Variants in HSCB observed in about 807,000 individuals in gnomAD.
HSCB encodes the protein HscB mitochondrial iron-sulfur cluster cochaperone.
Under a neutral mutation model 31.3 loss-of-function variants are expected in HSCB, and 23 were observed. The observed-to-expected ratio is 0.74, with a 90% CI of 0.53 to 1.04. The LOEUF (loss-of-function observed/expected upper bound fraction) is 1.04. Among genes scored for constraint, HSCB ranks in the 50% least tolerant of loss-of-function variants. The probability of loss-of-function intolerance (pLI) is 0.00; values close to 1 mark genes in which losing one functional copy is unlikely to be tolerated. For missense variants in HSCB, 297 were observed against 288.1 expected (o/e 1.03, Z -0.22); for synonymous variants, 110 against 104.5 (o/e 1.05, Z -0.32).
At chr22:28,748,412 C>G (rs949542187) in intron 4 of HSCB, among the ~76,000 whole-genome samples, 3 of 152,198 alleles carry the variant, frequency 2.0e-5, no homozygotes, top group Non-Finnish European at 4.4e-5. Context: ...ACCTGGACAA[C>G]TGCAGTAGCT....
intron 4 of HSCB, among the ~76,000 whole-genome samples, chr22:28,748,273 A>G (rs190459498): frequency 8.5e-5 from 13 of 152,264 alleles, no homozygotes; most frequent in African/African-American, 3.1e-4. Flanking sequence ...GGCCTTAACA[A>G]CCTTCTTCTT....
chr22:28,742,037 T>C, upstream of HSCB: 1 of 1,538,036 alleles, frequency 6.5e-7, no homozygotes, highest in South Asian at 1.2e-5. Flanking sequence ...ATTAGTCTGG[T>C]TAGACGCTCT....
chr22:28,755,302 C>T (rs1165575829), intron 5 of HSCB, among the ~76,000 whole-genome samples: 1 of 151,770 alleles, frequency 6.6e-6, no homozygotes, highest in Non-Finnish European at 1.5e-5. Flanking sequence ...CCCAGCTACT[C>T]AGGAGGCTGA....
chr22:28,744,362 G>A (rs2054647581), intron 2 of HSCB, among the ~76,000 whole-genome samples: 1 of 152,148 alleles, frequency 6.6e-6, no homozygotes, highest in Admixed American at 6.6e-5. Context: ...GACCAGCCTG[G>A]CCAACAGGGT....
chr22:28,757,040 G>A (rs1386542377), intron 5 of HSCB, 38 bp from the exon 6 acceptor site: 2 of 1,217,188 alleles, frequency 1.6e-6, no homozygotes, highest in Non-Finnish European at 2.4e-6. Context: ...ATTCTTGCTT[G>A]AAATGAAGCC....
At chr22:28,750,466 T>A (rs1379102228) in intron 4 of HSCB, among the ~76,000 whole-genome samples, 2 of 152,138 alleles carry the variant, frequency 1.3e-5, no homozygotes, top group East Asian at 3.9e-4. Flanking sequence ...TGTTGTTCTT[T>A]TGTGGACACC....
intron 5 of HSCB, among the ~76,000 whole-genome samples, chr22:28,753,680 T>A (rs2030412086): frequency 7.1e-6 from 1 of 140,976 alleles, no homozygotes. Context: ...CTACTAAATA[T>A]ACAAAAAATC....
chr22:28,755,719 C>T (rs1049383772), intron 5 of HSCB, among the ~76,000 whole-genome samples: 1 of 152,130 alleles, frequency 6.6e-6, no homozygotes, highest in Admixed American at 6.5e-5. Context: ...TTTTAGCACT[C>T]TTCACATTGT....
chr22:28,743,095 T>G (rs1338630264), intron 1 of HSCB, among the ~76,000 whole-genome samples: 1 of 152,178 alleles, frequency 6.6e-6, no homozygotes, highest in Non-Finnish European at 1.5e-5. Context: ...CCAGAAAGAC[T>G]TTCTTCAAGA....
In HSCB at chr22:28,745,795, A is replaced by G. The variant is rs2054675430; in HGVS notation, c.424-69A>G. 11 of 1,309,918 alleles carry G rather than the reference A, an allele frequency of 8.4e-6. No individual in the cohort carries two copies. The South Asian group carries it at 1.6e-4, about 19-fold the overall frequency. The allele number at this position is 1,309,918 out of a possible 1,614,324, so 81.1% of individuals were successfully genotyped here. On this transcript the variant is annotated intron_variant, in intron 3 of 5. Coordinates refer to ENST00000216027, the MANE Select transcript of HSCB (RefSeq NM_172002.5). ...TATTAGTGGTATTATTTCCTAATGG[A>G]TGAGTAGGATTTACATTACTCTGCC...
At chr22:28,747,290 C>T (rs2029906016) in intron 4 of HSCB, among the ~76,000 whole-genome samples, 1 of 152,056 alleles carries the variant, frequency 6.6e-6, no homozygotes, top group Non-Finnish European at 1.5e-5. Flanking sequence ...TTCACAGGAT[C>T]ATCTAAACTA....
chr22:28,750,945 C>CTTTTTTGTT (rs2030188514), intron 4 of HSCB, among the ~76,000 whole-genome samples: 1 of 56,452 alleles, frequency 1.8e-5, no homozygotes. Flanking sequence ...ATATCTTTGT[C>CTTTTTTGTT]TTTTTTTTTT....
chr22:28,742,336 G>T lies in HSCB; in HGVS notation c.236+5G>T. 6.2e-7 allele frequency: 1 copy of T among 1,609,150 alleles called. No individual in the cohort carries two copies. The highest frequency in any genetic ancestry group is 2.2e-5 in the East Asian group (1 of 44,718). On this transcript the variant is annotated splice_donor_5th_base_variant and intron_variant, in intron 1 of 5. Coordinates refer to ENST00000216027, the MANE Select transcript of HSCB (RefSeq NM_172002.5). ...CTACTTCAGCCTTATGGACTGGTAC[G>T]AGCGACGGTTTCGGGAAACGGGCCC...
intron 4 of HSCB, among the ~76,000 whole-genome samples, chr22:28,749,941 A>T (rs1243404077): frequency 1.3e-5 from 2 of 152,046 alleles, no homozygotes; most frequent in Non-Finnish European, 2.9e-5. Context: ...GTTAAATGAG[A>T]TAAAGCACGT....
At position 28,757,203 on chromosome 22, in the gene HSCB, C is replaced by G. The variant is rs778209248; in HGVS notation, c.*34C>G. 2 of 1,190,644 alleles carry G rather than the reference C, an allele frequency of 1.7e-6. No individual in the cohort carries two copies. Among genetic ancestry groups the G allele is most frequent in the South Asian group, 2.4e-5 (2 of 81,648 alleles). 73.8% of individuals were successfully genotyped at this position (1,190,644 alleles called of 1,614,324 possible). ...AGTTTAAAGTTTAAAAAATAAAGTT[C>G]TTGCTGGGCACAGTGGCTCACACCT... On this transcript the variant is annotated 3_prime_UTR_variant, in exon 6 of 6. Coordinates refer to ENST00000216027, the MANE Select transcript of HSCB (RefSeq NM_172002.5).
At chr22:28,745,467 T>G (rs561886579) in intron 3 of HSCB, 4 of 152,414 alleles carry the variant, frequency 2.6e-5, no homozygotes, top group African/African-American at 9.7e-5. Context: ...GAGAATTGCT[T>G]CCCCAGGAGG....
chr22:28,750,945 CTTTTTTTTT>C (rs758451182), intron 4 of HSCB, among the ~76,000 whole-genome samples: 1 of 56,452 alleles, frequency 1.8e-5, no homozygotes, highest in Non-Finnish European at 3.2e-5. Flanking sequence ...ATATCTTTGT[CTTTTTTTTT>C]TTTTTTTTTT....
intron 4 of HSCB, among the ~76,000 whole-genome samples, chr22:28,750,348 A>C (rs923521546): frequency 1.3e-4 from 20 of 151,742 alleles, no homozygotes; most frequent in Non-Finnish European, 1.8e-4. Flanking sequence ...TTAATTCCTA[A>C]ATTTTCTCCT....
chr22:28,756,249 CAAA>C (rs150222695), intron 5 of HSCB, among the ~76,000 whole-genome samples: 6 of 99,678 alleles, frequency 6.0e-5, no homozygotes, highest in Non-Finnish European at 6.6e-5. Flanking sequence ...CTCCATCTCA[CAAA>C]AAAAAAAAAA....
Sources: gnomAD v4.1 joint callset for allele counts (sites outside exome capture counted in the v4.1 genomes callset) on GRCh38, gnomAD v4.1.1 for gene constraint, MANE v1.5 for transcripts, NCBI Gene and HGNC (gene_info 2026-07-23, HGNC 2026-07-21) for gene names.